The following HSCB variants were observed in gnomAD, a reference collection of about 807,000 sequenced individuals.
HSCB encodes the protein HscB mitochondrial iron-sulfur cluster cochaperone.
A neutral mutation model predicts 31.3 loss-of-function variants in HSCB; 23 were observed. The observed-to-expected ratio is 0.74, with a 90% CI of 0.53 to 1.04. The LOEUF (loss-of-function observed/expected upper bound fraction) is 1.04, where lower values mean the gene tolerates loss of function less well. Among genes scored for constraint, HSCB ranks in the 50% least tolerant of loss-of-function variants. The pLI, the probability that HSCB is intolerant of heterozygous loss-of-function variation, is 0.00. For missense variants in HSCB, 297 were observed against 288.1 expected, an observed-to-expected ratio of 1.03 and a Z score of -0.22; for synonymous variants, 110 against 104.5, an observed-to-expected ratio of 1.05 and a Z score of -0.32.
intron 4 of HSCB, among the ~76,000 whole-genome samples, chr22:28,750,735 G>GC (rs2030172051): frequency 6.6e-6 from 1 of 152,134 alleles, no homozygotes; most frequent in Admixed American, 6.6e-5. Flanking sequence ...TGAGATAGCT[G>GC]CTGCTTTATT....
Position 28,757,101 on chromosome 22 carries a change from A to G in HSCB, c.640A>G (p.Ile214Val), listed in dbSNP as rs748756347. The stretch of plus-strand genomic sequence containing the variant: ...AGATGACTTTGAAGAAGCCAAGGAA[A>G]TTTTGACAAAGATGAGATACTTTTC... ...EQDDFEEAKE[I>V]LTKMRYFSNI... The change falls in exon 6 of 6, where the codon ATT (isoleucine) becomes GTT (valine). Residue 214 changes from isoleucine (I) to valine (V), a missense_variant. Transcript: ENST00000216027. 1.9e-6 allele frequency: 3 copies of G among 1,571,666 alleles called. No homozygotes were observed. The highest frequency in any genetic ancestry group is 2.6e-6 in the Non-Finnish European group (3 of 1,141,788).
At chr22:28,751,022 A>G (rs948665212) in intron 4 of HSCB, among the ~76,000 whole-genome samples, 1 of 122,286 alleles carries the variant, frequency 8.2e-6, no homozygotes. Context: ...TAGACCTTTC[A>G]TGGTTGGAAA....
At chr22:28,742,538 G>C (rs568978552) in intron 1 of HSCB, 1 of 881,088 alleles carries the variant, frequency 1.1e-6, no homozygotes, top group Non-Finnish European at 1.7e-6. Context: ...TTGAGGTGTG[G>C]AGAAGGGAGA....
chr22:28,743,510 C>T (rs894799121), intron 1 of HSCB, among the ~76,000 whole-genome samples: 1 of 152,228 alleles, frequency 6.6e-6, no homozygotes, highest in African/African-American at 2.4e-5. Flanking sequence ...TTTTCCTTAA[C>T]TATGGGATCT....
intron 5 of HSCB, among the ~76,000 whole-genome samples, chr22:28,755,798 G>A (rs541825315): frequency 1.5e-4 from 23 of 152,200 alleles, no homozygotes; most frequent in South Asian, 1.5e-3. Flanking sequence ...ATAATTCTTC[G>A]TTTGGGGGAG....
chr22:28,743,708 T>C (rs1454084602), intron 1 of HSCB, among the ~76,000 whole-genome samples, 174 bp from the exon 2 acceptor site: 1 of 152,224 alleles, frequency 6.6e-6, no homozygotes, highest in East Asian at 1.9e-4. Context: ...CTTTGTCCAC[T>C]ACATCTGCTA....
chr22:28,752,429 C>CA (rs564221588), intron 5 of HSCB, among the ~76,000 whole-genome samples: 1,712 of 65,830 alleles, frequency 0.026, 26 homozygotes, highest in African/African-American at 0.063. Context: ...GACTTTGTCT[C>CA]AAAAAAAAAA....
chr22:28,757,255 G>C lies in HSCB; in HGVS notation c.*86G>C. 2 of 681,706 alleles carry C rather than the reference G, an allele frequency of 2.9e-6. No homozygotes were observed. Among genetic ancestry groups the C allele is most frequent in the Non-Finnish European group, 5.2e-6 (2 of 382,058 alleles). 42.2% of individuals were successfully genotyped at this position (681,706 alleles called of 1,614,324 possible). A position where few individuals can be genotyped will look rare whatever the true frequency, so the allele number is the denominator to read the frequency against. On this transcript the variant is annotated 3_prime_UTR_variant, in exon 6 of 6. Transcript: ENST00000216027. Reference sequence around the variant, plus strand: ...TAATCCCAGCACTTTGGGAGGCTGAGGTGGGTGGATGACAAGGTCAGGAGT... The same window carrying C: ...TAATCCCAGCACTTTGGGAGGCTGACGTGGGTGGATGACAAGGTCAGGAGT...
chr22:28,749,147 A>AG (rs1341242892), intron 4 of HSCB, among the ~76,000 whole-genome samples: 1 of 151,368 alleles, frequency 6.6e-6, no homozygotes, highest in Non-Finnish European at 1.5e-5. Flanking sequence ...TCTCAAAGAA[A>AG]AAAAAAAAAA....
rs542890420 is a variant in HSCB at position 28,756,953 on chromosome 22, T to TA, written c.617-124dup. 8.9e-4 allele frequency: 631 copies of TA among 712,436 alleles called. 1 individual carries two copies. The highest frequency in any genetic ancestry group is 8.8e-3 in the Middle Eastern group (29 of 3,288). The allele number at this position is 712,436 out of a possible 1,614,324, so 44.1% of individuals were successfully genotyped here. On this transcript the variant is annotated intron_variant, in intron 5 of 5. Coordinates refer to ENST00000216027, the MANE Select transcript of HSCB (RefSeq NM_172002.5). ...GTTCTCCCTCTTCGTTGCTCAGTCTTACTGAGGAATTGATGAGCCCTCCGG... is the reference window on the plus strand; with the variant it reads ...GTTCTCCCTCTTCGTTGCTCAGTCTTAACTGAGGAATTGATGAGCCCTCCGG...
Position 28,743,913 on chromosome 22 carries a change from C to G in HSCB, c.268C>G (p.Leu90Val), listed in dbSNP as rs749592735. ...NRSFRVDTAK[L>V]QHRYQQLQRL... The stretch of plus-strand genomic sequence containing the variant: ...TTCCTTCAGAGTTGATACAGCGAAG[C>G]TCCAGCACAGGTACCAGCAACTGCA... Residue 90 changes from leucine to valine, a missense_variant, in exon 2 of 6, where the codon CTC becomes GTC. Transcript: ENST00000216027. 2.5e-6 allele frequency: 4 copies of G among 1,614,074 alleles called. No homozygotes were observed. The highest frequency in any genetic ancestry group is 3.4e-6 in the Non-Finnish European group (4 of 1,180,028).
chr22:28,756,550 C>A (rs936457283), intron 5 of HSCB, among the ~76,000 whole-genome samples: 1 of 151,542 alleles, frequency 6.6e-6, no homozygotes, highest in Non-Finnish European at 1.5e-5. Flanking sequence ...CTCAGTGCAA[C>A]CTCAAACTCC....
rs1002854702 is a variant in HSCB at position 28,743,862 on chromosome 22, A to G, written c.237-20A>G. On this transcript the variant is annotated intron_variant, in intron 1 of 5. Coordinates refer to ENST00000216027, the MANE Select transcript of HSCB (RefSeq NM_172002.5). ...TTTAAATATTTGTTGTATAAATTTAATCTCCCAATTTCCTTCCAGCAACCG... is the reference window on the plus strand; with the variant it reads ...TTTAAATATTTGTTGTATAAATTTAGTCTCCCAATTTCCTTCCAGCAACCG... 8 of 1,599,306 alleles carry G rather than the reference A, an allele frequency of 5.0e-6. No individual in the cohort carries two copies. The African/African-American group carries it at 9.4e-5, about 19-fold the overall frequency.
intron 1 of HSCB, among the ~76,000 whole-genome samples, chr22:28,743,231 T>A (rs2054616785): frequency 6.6e-6 from 1 of 152,076 alleles, no homozygotes; most frequent in Admixed American, 6.6e-5. Context: ...GGATTCTGGC[T>A]AAGCCGACCT....
chr22:28,745,648 A>G, intron 3 of HSCB: 1 of 395,244 alleles, frequency 2.5e-6, no homozygotes, highest in South Asian at 5.7e-5. Flanking sequence ...CTACCCCAAG[A>G]TCACACCAAG....
At chr22:28,744,077 T>C (rs2054642122) in intron 2 of HSCB, 99 bp downstream of exon 2, 7 of 943,074 alleles carry the variant, frequency 7.4e-6, no homozygotes, top group Non-Finnish European at 1.2e-5. Flanking sequence ...AGCTGGAAAA[T>C]CAGCTGTGTC....
chr22:28,751,282 G>T lies in HSCB; in HGVS notation c.610G>T (p.Glu204Ter). ...EFTDNVSSAF[E>*]QDDFEEAKEI... ...TACTGACAATGTGAGCAGTGCTTTT[G>T]AACAAGGTACTTTCTTTTCTTCACT... Residue 204 changes from glutamate to a stop codon, truncating the protein, a stop_gained, in exon 5 of 6, where the codon GAA (glutamate) becomes TAA (stop). Transcript: ENST00000216027. LOFTEE classifies it high-confidence loss of function. 1 of 1,592,548 alleles carries T rather than the reference G, an allele frequency of 6.3e-7. No individual in the cohort carries two copies. The highest frequency in any genetic ancestry group is 1.1e-5 in the South Asian group (1 of 88,094).
chr22:28,752,182 A>T (rs891856211), intron 5 of HSCB, among the ~76,000 whole-genome samples: 2 of 151,678 alleles, frequency 1.3e-5, no homozygotes, highest in South Asian at 4.2e-4. Context: ...GGTGGCTCAC[A>T]CTTGTAATCC....
In HSCB at chr22:28,743,918, G is replaced by A; in HGVS notation, c.273G>A (p.Gln91=). 1 of 1,614,158 alleles carries A rather than the reference G, an allele frequency of 6.2e-7. No homozygotes were observed. The highest frequency in any genetic ancestry group is 8.5e-7 in the Non-Finnish European group (1 of 1,180,032). The change falls in exon 2 of 6, where the codon CAG becomes CAA. Residue 91 remains glutamine, a synonymous_variant. Transcript: ENST00000216027. ...RSFRVDTAKL[Q]HRYQQLQRLV... is the part of the protein sequence containing the mutation. ...TCAGAGTTGATACAGCGAAGCTCCAGCACAGGTACCAGCAACTGCAGCGTC... is the reference window on the plus strand; with the variant it reads ...TCAGAGTTGATACAGCGAAGCTCCAACACAGGTACCAGCAACTGCAGCGTC...
Sources: gnomAD v4.1 joint callset for allele counts (sites outside exome capture counted in the v4.1 genomes callset) on GRCh38, gnomAD v4.1.1 for gene constraint, MANE v1.5 for transcripts, NCBI Gene and HGNC (gene_info 2026-07-23, HGNC 2026-07-21) for gene names.